FIRRM: variants seen among roughly 807,000 people sequenced by gnomAD.
The protein encoded by FIRRM is FIGNL1-interacting regulator of recombination and mitosis.
the FIRRM span, chr1:169,842,498 G>C: frequency 6.8e-6 from 11 of 1,613,734 alleles, no homozygotes; most frequent in African/African-American, 1.5e-4. Context: ...TGCAATTATC[G>C]AAGTTGTGAG....
At chr1:169,831,531 C>T in the FIRRM span, among the ~76,000 whole-genome samples, 1 of 152,148 alleles carries the variant, frequency 6.6e-6, no homozygotes. Context: ...ATCACTTACA[C>T]ACTTTACTAA....
the FIRRM span, among the ~76,000 whole-genome samples, chr1:169,798,378 C>G: frequency 6.6e-6 from 1 of 151,932 alleles, no homozygotes. Flanking sequence ...AGTGATTCTC[C>G]TGCCTCAGCC....
the FIRRM span, chr1:169,843,763 A>C: frequency 6.3e-7 from 1 of 1,585,688 alleles, no homozygotes; most frequent in Non-Finnish European, 8.7e-7. Flanking sequence ...CTAAACTGAT[A>C]CTTCAGGTAA....
chr1:169,792,151 A>T, the FIRRM span, among the ~76,000 whole-genome samples: 2 of 152,354 alleles, frequency 1.3e-5, no homozygotes, highest in East Asian at 1.9e-4. Flanking sequence ...AAACAAAACG[A>T]AACAAAAACC....
chr1:169,818,494 CTG>C, the FIRRM span, among the ~76,000 whole-genome samples: 1 of 152,210 alleles, frequency 6.6e-6, no homozygotes, highest in African/African-American at 2.4e-5. Context: ...ATCTTTAAAA[CTG>C]TATTTCCCAG....
At chr1:169,802,781 T>C in the FIRRM span, 1 of 991,824 alleles carries the variant, frequency 1.0e-6, no homozygotes, top group East Asian at 2.4e-5. Flanking sequence ...AATGTCAAAA[T>C]TTTTATACTG....
At chr1:169,795,852 C>T in the FIRRM span, 1 of 778,168 alleles carries the variant, frequency 1.3e-6, no homozygotes. Context: ...TGAAAGAGTT[C>T]TTCCGCTTGT....
chr1:169,824,500 C>T, the FIRRM span, among the ~76,000 whole-genome samples: 58 of 150,420 alleles, frequency 3.9e-4, no homozygotes, highest in Admixed American at 1.1e-3. Flanking sequence ...CTCTGCCTTT[C>T]TTTACAGCAA....
At chr1:169,830,315 T>G in the FIRRM span, 4 of 1,613,908 alleles carry the variant, frequency 2.5e-6, no homozygotes, top group South Asian at 4.4e-5. Flanking sequence ...CTTTGTTAGC[T>G]ATGGATGCAT....
chr1:169,820,276 A>G, the FIRRM span, among the ~76,000 whole-genome samples: 2 of 152,188 alleles, frequency 1.3e-5, no homozygotes, highest in East Asian at 3.9e-4. Flanking sequence ...AGACCCCTCC[A>G]TTGCAGTGAC....
At chr1:169,839,510 C>T in the FIRRM span, among the ~76,000 whole-genome samples, 10,129 of 151,942 alleles carry the variant, frequency 0.067, 431 homozygotes, top group Non-Finnish European at 0.099. Context: ...TCCCTGATAG[C>T]TTTTTCATAT....
the FIRRM span, among the ~76,000 whole-genome samples, chr1:169,838,427 C>G: frequency 1.3e-5 from 2 of 152,100 alleles, no homozygotes; most frequent in Admixed American, 6.5e-5. Flanking sequence ...AGTATGACCA[C>G]AGCTTTTTAG....
chr1:169,841,906 G>T, the FIRRM span, among the ~76,000 whole-genome samples: 3 of 151,938 alleles, frequency 2.0e-5, no homozygotes, highest in East Asian at 5.8e-4. Context: ...GGCTGGGTGC[G>T]GTGGCTCATG....
chr1:169,843,638 G>A, the FIRRM span: 1 of 1,311,684 alleles, frequency 7.6e-7, no homozygotes, highest in Non-Finnish European at 1.1e-6. Context: ...TTATGTGATT[G>A]AAAATTTTTC....
chr1:169,802,859 G>T, the FIRRM span: 1 of 616,218 alleles, frequency 1.6e-6, no homozygotes, highest in Non-Finnish European at 2.9e-6. Context: ...AATTAAAGAC[G>T]TGAATATAGA....
chr1:169,803,227 A>G, the FIRRM span: 17 of 1,613,940 alleles, frequency 1.1e-5, no homozygotes, highest in East Asian at 2.2e-5. Flanking sequence ...TGTGCCACAC[A>G]GGAATCCATC....
chr1:169,796,087 C>T, the FIRRM span: 2 of 482,196 alleles, frequency 4.1e-6, no homozygotes, highest in Non-Finnish European at 2.7e-6. Context: ...AATCTCAATA[C>T]TGCACAAATA....
chr1:169,842,174 CAAA>C, the FIRRM span, among the ~76,000 whole-genome samples: 3 of 84,016 alleles, frequency 3.6e-5, no homozygotes, highest in African/African-American at 4.8e-5. Context: ...GATGCCATCT[CAAA>C]AAAAAAAAAA....
the FIRRM span, among the ~76,000 whole-genome samples, chr1:169,810,814 A>G: frequency 1.4e-5 from 2 of 138,760 alleles, no homozygotes; most frequent in Non-Finnish European, 3.1e-5. Flanking sequence ...TAGTTTTAAC[A>G]TATAGTTCTT....
Sources: allele counts gnomAD v4.1 joint callset (sites outside exome capture counted in the v4.1 genomes callset), GRCh38; gene constraint gnomAD v4.1.1; transcripts MANE v1.5; gene names NCBI Gene and HGNC (gene_info 2026-07-23, HGNC 2026-07-21).